Variants in RPS6KA6 observed in about 807,000 individuals in gnomAD.
RPS6KA6 encodes the protein ribosomal protein S6 kinase alpha-6.
A neutral mutation model predicts 65.4 loss-of-function variants in RPS6KA6; 27 were observed. The observed-to-expected ratio is 0.41, with a 90% CI of 0.30 to 0.57. RPS6KA6 has a LOEUF of 0.57. RPS6KA6 is among the 20% of genes least tolerant of loss of function. The pLI is 0.24. For synonymous variants in RPS6KA6, 190 were observed against 184.2 expected (o/e 1.03, Z -0.26); for missense variants, 486 against 555.6 (o/e 0.87, Z 1.26).
At chrX:84,143,649 T>C (rs1193363985) in intron 6 of RPS6KA6, among the ~76,000 whole-genome samples, 1 of 111,396 alleles carries the variant, frequency 9.0e-6, no homozygotes, top group East Asian at 2.8e-4. Flanking sequence ...TTCCAACCAA[T>C]ATCCCAGCAG....
chrX:84,131,722 T>C (rs1268941379), intron 8 of RPS6KA6, among the ~76,000 whole-genome samples: 2 of 112,064 alleles, frequency 1.8e-5, no homozygotes, highest in Non-Finnish European at 3.8e-5. Context: ...ACTATAAAAC[T>C]AGCTACAAGA....
chrX:84,154,556 G>T (rs1326632568), intron 3 of RPS6KA6, among the ~76,000 whole-genome samples: 2 of 111,049 alleles, frequency 1.8e-5, no homozygotes, highest in Non-Finnish European at 3.8e-5. Flanking sequence ...GTGCAAAATA[G>T]CTAAAAGAAT....
intron 8 of RPS6KA6, among the ~76,000 whole-genome samples, chrX:84,122,965 A>G (rs967077729): frequency 1.1e-4 from 12 of 111,742 alleles, no homozygotes; most frequent in Non-Finnish European, 1.5e-4. Context: ...AGGAACAAAA[A>G]GTAAAGAGGA....
At chrX:84,126,347 C>A (rs1251765561) in intron 8 of RPS6KA6, among the ~76,000 whole-genome samples, 1 of 111,105 alleles carries the variant, frequency 9.0e-6, no homozygotes, top group African/African-American at 3.3e-5. Flanking sequence ...ATATACAGAG[C>A]AAATATTATT....
chrX:84,143,296 C>G (rs1003196049), intron 6 of RPS6KA6, among the ~76,000 whole-genome samples: 1 of 111,091 alleles, frequency 9.0e-6, no homozygotes, highest in African/African-American at 3.2e-5. Flanking sequence ...AAAATAGTTA[C>G]AGAAAACTTT....
intron 6 of RPS6KA6, among the ~76,000 whole-genome samples, chrX:84,136,579 A>G (rs2034995288): frequency 9.0e-6 from 1 of 111,638 alleles, no homozygotes. Flanking sequence ...AACCAAGGAT[A>G]ATAAGAATGT....
intron 6 of RPS6KA6, among the ~76,000 whole-genome samples, chrX:84,143,625 T>TAC (rs777745405): frequency 6.3e-5 from 7 of 111,516 alleles, no homozygotes; most frequent in Non-Finnish European, 1.1e-4. Flanking sequence ...AATTGACCTA[T>TAC]ACATTCAATA....
intron 3 of RPS6KA6, among the ~76,000 whole-genome samples, chrX:84,151,198 GATATA>G (rs1569235953): frequency 2.2e-5 from 2 of 90,021 alleles, no homozygotes; most frequent in African/African-American, 7.7e-5. Flanking sequence ...GATATATAGA[GATATA>G]GATATATAGG....
In RPS6KA6 at chrX:84,188,005, G is replaced by C; in HGVS notation, c.-106C>G. On this transcript the variant is annotated 5_prime_UTR_variant, in exon 1 of 22. Transcript: ENST00000262752. The stretch of plus-strand genomic sequence containing the variant: ...CGCCGCCGCCGCCGCCGCCGCCGCC[G>C]CCGCGACCCCCAGCCCCGCCTTCAG... 2.0e-6 allele frequency: 1 copy of C among 493,134 alleles called. No individual in the cohort carries two copies. Among genetic ancestry groups the C allele is most frequent in the Non-Finnish European group, 2.6e-6 (1 of 378,820 alleles). 40.6% of individuals were successfully genotyped at this position (493,134 alleles called of 1,213,427 possible). A position where few individuals can be genotyped will look rare whatever the true frequency, so the allele number is the denominator to read the frequency against.
At chrX:84,137,796 T>C (rs2035019486) in intron 6 of RPS6KA6, among the ~76,000 whole-genome samples, 1 of 112,290 alleles carries the variant, frequency 8.9e-6, no homozygotes, top group Non-Finnish European at 1.9e-5. Flanking sequence ...GACTTACTGT[T>C]TTGTCAATTG....
At chrX:84,116,665 C>A (rs552029930) in intron 11 of RPS6KA6, among the ~76,000 whole-genome samples, 15 of 109,435 alleles carry the variant, frequency 1.4e-4, no homozygotes, top group Middle Eastern at 4.7e-3. Context: ...ATAATAGGAT[C>A]GCATCTGGAT....
At chrX:84,115,878 A>T (rs749347415) in intron 12 of RPS6KA6, among the ~76,000 whole-genome samples, 3 of 111,717 alleles carry the variant, frequency 2.7e-5, no homozygotes, top group African/African-American at 9.8e-5. Context: ...GTTCTCACTT[A>T]TAAGTGGGAG....
chrX:84,136,368 A>G (rs1329764517), intron 6 of RPS6KA6, among the ~76,000 whole-genome samples: 2 of 111,744 alleles, frequency 1.8e-5, no homozygotes, highest in Non-Finnish European at 3.8e-5. Context: ...CCAGGTTACT[A>G]GTAAAATTGC....
intron 20 of RPS6KA6, among the ~76,000 whole-genome samples, chrX:84,094,060 T>C (rs2147395340): frequency 9.0e-6 from 1 of 110,830 alleles, no homozygotes; most frequent in East Asian, 2.9e-4. Flanking sequence ...TGTTTGTTTG[T>C]TTGTTTTGCA....
intron 20 of RPS6KA6, among the ~76,000 whole-genome samples, chrX:84,086,351 TTG>T (rs1052999879): frequency 2.7e-5 from 3 of 111,798 alleles, no homozygotes; most frequent in African/African-American, 9.8e-5. Context: ...TTCTGGTACA[TTG>T]TCTCTTTGTT....
intron 1 of RPS6KA6, among the ~76,000 whole-genome samples, chrX:84,167,086 G>GA (rs2035608151): frequency 1.8e-5 from 2 of 110,516 alleles, no homozygotes; most frequent in Admixed American, 1.9e-4. Flanking sequence ...TAAACCAAAG[G>GA]AAAAATGGGG....
intron 1 of RPS6KA6, among the ~76,000 whole-genome samples, chrX:84,174,988 C>A (rs1239158767): frequency 8.9e-6 from 1 of 111,939 alleles, no homozygotes; most frequent in Non-Finnish European, 1.9e-5. Context: ...AGTTTTCTTA[C>A]TAAAAATGTT....
intron 3 of RPS6KA6, among the ~76,000 whole-genome samples, chrX:84,152,279 A>G (rs899242261): frequency 2.7e-5 from 3 of 110,472 alleles, no homozygotes; most frequent in Non-Finnish European, 1.9e-5. Context: ...CCTTCCCAAA[A>G]TCAACTACAA....
intron 11 of RPS6KA6, among the ~76,000 whole-genome samples, chrX:84,116,781 A>G (rs1484807410): frequency 1.8e-5 from 2 of 111,019 alleles, no homozygotes; most frequent in African/African-American, 6.5e-5. Context: ...CAAATATATA[A>G]AAGATTACCT....
Sources: allele counts gnomAD v4.1 joint callset (sites outside exome capture counted in the v4.1 genomes callset), GRCh38; gene constraint gnomAD v4.1.1; transcripts MANE v1.5; gene names NCBI Gene and HGNC (gene_info 2026-07-23, HGNC 2026-07-21).